The following HAPSTR1 variants were observed in gnomAD, a reference collection of about 807,000 sequenced individuals.
HAPSTR1 encodes the protein HUWE1-associated protein modifying stress responses 1.
chr16:9,100,472 T>C, the HAPSTR1 span, among the ~76,000 whole-genome samples: 13 of 152,154 alleles, frequency 8.5e-5, no homozygotes, highest in Admixed American at 1.3e-4. Context: ...CCTTGAGTTT[T>C]GTATCAAGTT....
At chr16:9,095,937 A>G in the HAPSTR1 span, among the ~76,000 whole-genome samples, 208 of 152,114 alleles carry the variant, frequency 1.4e-3, no homozygotes, top group Non-Finnish European at 2.5e-3. Context: ...TTCAATATTC[A>G]GTAGTATCCT....
chr16:9,091,711 C>T, the HAPSTR1 span: 7 of 399,410 alleles, frequency 1.8e-5, no homozygotes, highest in Admixed American at 4.4e-5. Flanking sequence ...TCAGCGGCGG[C>T]GGCGGCAGTG....
the HAPSTR1 span, chr16:9,110,932 G>C: frequency 1.3e-5 from 2 of 152,376 alleles, no homozygotes; most frequent in African/African-American, 4.8e-5. Flanking sequence ...TGTCTACTCA[G>C]GAGGCTGAGG....
At chr16:9,091,944 AGGCCCTGCCGCCG>A in the HAPSTR1 span, 1 of 1,041,186 alleles carries the variant, frequency 9.6e-7, no homozygotes, top group Non-Finnish European at 1.3e-6. Context: ...GTCGGTCGCC[AGGCCCTGCCGCCG>A]GGCCGCTTGA....
At chr16:9,097,619 T>C in the HAPSTR1 span, among the ~76,000 whole-genome samples, 1 of 152,206 alleles carries the variant, frequency 6.6e-6, no homozygotes, top group Non-Finnish European at 1.5e-5. Context: ...TGTATGGCCA[T>C]GTATTGGCTC....
the HAPSTR1 span, chr16:9,113,092 A>G: frequency 7.3e-6 from 1 of 137,860 alleles, no homozygotes; most frequent in African/African-American, 2.8e-5. Flanking sequence ...TATAGGTCTG[A>G]TTGTTTATGT....
At chr16:9,093,158 C>T in the HAPSTR1 span, among the ~76,000 whole-genome samples, 1 of 152,138 alleles carries the variant, frequency 6.6e-6, no homozygotes, top group South Asian at 2.1e-4. Flanking sequence ...GCTAGATCCA[C>T]CGGAGGCGAT....
At chr16:9,096,659 G>A in the HAPSTR1 span, among the ~76,000 whole-genome samples, 1 of 152,084 alleles carries the variant, frequency 6.6e-6, no homozygotes, top group East Asian at 1.9e-4. Flanking sequence ...TGACTCACTT[G>A]GCTGCAAAAA....
the HAPSTR1 span, among the ~76,000 whole-genome samples, chr16:9,113,941 T>C: frequency 2.3e-4 from 35 of 152,184 alleles, no homozygotes; most frequent in African/African-American, 7.2e-4. Flanking sequence ...GAACCTTTGA[T>C]TTCAGTGGAT....
chr16:9,120,463 A>G, the HAPSTR1 span: 1 of 151,526 alleles, frequency 6.6e-6, no homozygotes, highest in South Asian at 2.1e-4. Context: ...TGAGATATCC[A>G]GGGTTTTACT....
chr16:9,103,033 C>G, the HAPSTR1 span: 5 of 1,614,128 alleles, frequency 3.1e-6, no homozygotes, highest in Non-Finnish European at 4.2e-6. Context: ...TTCAGATTGG[C>G]TATCAGCGAC....
the HAPSTR1 span, chr16:9,118,025 C>T: frequency 5.2e-5 from 8 of 152,614 alleles, no homozygotes; most frequent in African/African-American, 1.9e-4. Flanking sequence ...TGGAGATTCT[C>T]TAGCTGTTAG....
the HAPSTR1 span, chr16:9,092,305 C>A: frequency 2.1e-6 from 3 of 1,445,868 alleles, no homozygotes; most frequent in South Asian, 1.4e-5. Flanking sequence ...TACCGCTTGG[C>A]CGCCCCCGCC....
At chr16:9,109,287 G>C in the HAPSTR1 span, 1 of 152,128 alleles carries the variant, frequency 6.6e-6, no homozygotes, top group Admixed American at 6.5e-5. Context: ...CCTTCATTCT[G>C]AGGTATAATC....
At chr16:9,092,283 C>A in the HAPSTR1 span, 1 of 1,521,898 alleles carries the variant, frequency 6.6e-7, no homozygotes, top group Non-Finnish European at 8.8e-7. Context: ...GAGGCCGCCG[C>A]CGCCATCTTG....
the HAPSTR1 span, chr16:9,109,119 C>T: frequency 2.0e-5 from 3 of 152,168 alleles, no homozygotes; most frequent in African/African-American, 7.2e-5. Context: ...ACTTTGACTG[C>T]TTAAATATTA....
At chr16:9,102,904 T>C in the HAPSTR1 span, 12 of 1,449,488 alleles carry the variant, frequency 8.3e-6, no homozygotes, top group East Asian at 2.3e-5. Context: ...TTTGGTTAAA[T>C]TGTAAAATGG....
At chr16:9,103,013 G>T in the HAPSTR1 span, 1 of 1,613,892 alleles carries the variant, frequency 6.2e-7, no homozygotes, top group Non-Finnish European at 8.5e-7. Flanking sequence ...ACGAAGTTTT[G>T]ATATTGGAAT....
the HAPSTR1 span, chr16:9,107,693 G>A: frequency 6.6e-6 from 1 of 152,214 alleles, no homozygotes; most frequent in African/African-American, 2.4e-5. Flanking sequence ...ATACCTCTAT[G>A]CTCTTTGACA....
Sources: allele counts gnomAD v4.1 joint callset (sites outside exome capture counted in the v4.1 genomes callset), GRCh38; gene constraint gnomAD v4.1.1; transcripts MANE v1.5; gene names NCBI Gene and HGNC (gene_info 2026-07-23, HGNC 2026-07-21).